The following MRPS31 variants were observed in gnomAD, a reference collection of about 807,000 sequenced individuals.
The protein encoded by MRPS31 is small ribosomal subunit protein mS31.
Under a neutral mutation model 43.1 loss-of-function variants are expected in MRPS31, and 32 were observed. The observed-to-expected ratio is 0.74, with a 90% CI of 0.56 to 1.00. The LOEUF (loss-of-function observed/expected upper bound fraction) is 1.00. Among genes scored for constraint, MRPS31 ranks in the 50% least tolerant of loss-of-function variants. MRPS31 has a pLI of 0.00. For missense variants in MRPS31, 437 were observed against 466.7 expected, an observed-to-expected ratio of 0.94 and a Z score of 0.59; for synonymous variants, 165 against 161.6, an observed-to-expected ratio of 1.02 and a Z score of -0.16.
In MRPS31 at chr13:40,766,826, G is replaced by C; in HGVS notation, c.360C>G (p.Pro120=). 6.2e-7 allele frequency: 1 copy of C among 1,614,046 alleles called. No homozygotes were observed. Among genetic ancestry groups the C allele is most frequent in the Non-Finnish European group, 8.5e-7 (1 of 1,179,978 alleles). ...AACTTTTAAGTGGTCTTCTTTTGGGGGGCTTTGTTGTTCGTACATTTACTG... is the reference window on the plus strand; with the variant it reads ...AACTTTTAAGTGGTCTTCTTTTGGGCGGCTTTGTTGTTCGTACATTTACTG... ...LSTVNVRTTK[P]PKRRPLKSLE... Residue 120 remains proline, a synonymous_variant, in exon 2 of 7, where the codon CCC becomes CCG. Coordinates refer to ENST00000323563, the MANE Select transcript of MRPS31 (RefSeq NM_005830.4).
Position 40,759,011 on chromosome 13 carries a change from C to A in MRPS31, c.536G>T (p.Ser179Ile). The change falls in exon 3 of 7, where the codon AGC (serine) becomes ATC (isoleucine). Residue 179 changes from serine (S) to isoleucine (I), a missense_variant. Physicochemically the swap from Ser to Ile is moderately radical, Grantham distance 142. Transcript: ENST00000323563. Reference protein sequence around the residue: ...DKQTTKSELLSQLQQHEEESR... With the variant: ...DKQTTKSELLIQLQQHEEESR... ...CTCTTCCTCATGCTGCTGGAGCTGG[C>A]TCAGCAGCTCTGACTTGGTTGTTTG... is the stretch of plus-strand genomic sequence containing the variant. 1 of 1,608,248 alleles carries A rather than the reference C, an allele frequency of 6.2e-7. No homozygotes were observed. Among genetic ancestry groups the A allele is most frequent in the Non-Finnish European group, 8.5e-7 (1 of 1,177,834 alleles).
At chr13:40,757,098 TTTAA>T in intron 3 of MRPS31, 85 bp from the exon 4 acceptor site, 6 of 1,047,492 alleles carry the variant, frequency 5.7e-6, no homozygotes, top group Non-Finnish European at 8.1e-6. Context: ...CTTGAGATCA[TTTAA>T]TTCTTATTTC....
chr13:40,746,074 A>G (rs1593446082), intron 6 of MRPS31, among the ~76,000 whole-genome samples: 1 of 152,222 alleles, frequency 6.6e-6, no homozygotes, highest in African/African-American at 2.4e-5. Flanking sequence ...AATTTTTTAT[A>G]TAATGGAAAA....
At chr13:40,770,801 C>T (rs573288657) in intron 1 of MRPS31, 184 bp downstream of exon 1, 1 of 681,518 alleles carries the variant, frequency 1.5e-6, no homozygotes, top group Non-Finnish European at 2.4e-6. Context: ...GCACAGCGAC[C>T]AGGTTTGTAA....
chr13:40,755,912 T>C (rs1880513774), intron 4 of MRPS31, among the ~76,000 whole-genome samples: 1 of 152,244 alleles, frequency 6.6e-6, no homozygotes, highest in South Asian at 2.1e-4. Flanking sequence ...CAGTTAAATA[T>C]TCTTAAGTAA....
Position 40,756,764 on chromosome 13 carries a change from G to T in MRPS31, c.740+109C>A. 5.0e-6 allele frequency: 6 copies of T among 1,211,278 alleles called. No homozygotes were observed. In the Middle Eastern group the frequency reaches 9.6e-4, roughly 193 times the overall value. 75.0% of individuals were successfully genotyped at this position (1,211,278 alleles called of 1,614,324 possible). A position where few individuals can be genotyped will look rare whatever the true frequency, so the allele number is the denominator to read the frequency against. ...ACACAGATGTAAATGTATTCATAAT[G>T]TTCAGATATCCAACAGCAATAATAC... On this transcript the variant is annotated intron_variant, in intron 4 of 6. Transcript: ENST00000323563.
intron 6 of MRPS31, among the ~76,000 whole-genome samples, chr13:40,740,718 T>C (rs1393650593): frequency 2.2e-5 from 3 of 138,002 alleles, no homozygotes; most frequent in Non-Finnish European, 4.6e-5. Context: ...TTCTCACTCA[T>C]AGGTGGGAAT....
At chr13:40,752,750 T>C (rs74982206) in intron 5 of MRPS31, among the ~76,000 whole-genome samples, 27 of 151,128 alleles carry the variant, frequency 1.8e-4, no homozygotes, top group Middle Eastern at 3.4e-3. Flanking sequence ...TTTTTTTTTT[T>C]CCCCTTCGAG....
At chr13:40,769,721 CAG>C (rs1473324070) in intron 1 of MRPS31, among the ~76,000 whole-genome samples, 1 of 152,070 alleles carries the variant, frequency 6.6e-6, no homozygotes, top group Non-Finnish European at 1.5e-5. Context: ...AAGTGGTAAT[CAG>C]GGGAATGAAT....
chr13:40,759,415 G>A (rs890773260), intron 2 of MRPS31, among the ~76,000 whole-genome samples: 1 of 151,928 alleles, frequency 6.6e-6, no homozygotes, highest in African/African-American at 2.4e-5. Context: ...TCTAGCCTGG[G>A]AGACAGAGCG....
At chr13:40,740,536 C>G (rs1028629150) in intron 6 of MRPS31, among the ~76,000 whole-genome samples, 8 of 138,660 alleles carry the variant, frequency 5.8e-5, no homozygotes, top group East Asian at 2.3e-4. Context: ...GGAACCAACC[C>G]AAATGTCCAA....
In MRPS31 at chr13:40,758,824, G is replaced by T. The variant is rs1352147017; in HGVS notation, c.599+124C>A. 13 of 886,230 alleles carry T rather than the reference G, an allele frequency of 1.5e-5. No homozygotes were observed. The Admixed American group carries it at 3.5e-4, about 24-fold the overall frequency. 54.9% of individuals were successfully genotyped at this position (886,230 alleles called of 1,614,324 possible). A position where few individuals can be genotyped will look rare whatever the true frequency, so the allele number is the denominator to read the frequency against. The stretch of plus-strand genomic sequence containing the variant: ...TAAAAAGTTGAATTGCTAAAATTAT[G>T]TGGTATATTTTATATACAAATTCCA... On this transcript the variant is annotated intron_variant, in intron 3 of 6. Transcript: ENST00000323563.
Position 40,766,942 on chromosome 13 carries a change from T to TGGAAGTCTCCTC in MRPS31, c.232_243dup (p.Glu78_Ser81dup). ...CTGTCTTGGCTCTCTGAAGTCTCCTTGGAAGTCTCCTCAGTTCGAACAGAC... is the reference window on the plus strand; with the variant it reads ...CTGTCTTGGCTCTCTGAAGTCTCCTTGGAAGTCTCCTCGGAAGTCTCCTCAGTTCGAACAGAC... On this transcript the variant is annotated inframe_insertion, in exon 2 of 7. Coordinates refer to ENST00000323563, the MANE Select transcript of MRPS31 (RefSeq NM_005830.4). 1 of 1,614,142 alleles carries TGGAAGTCTCCTC rather than the reference T, an allele frequency of 6.2e-7. No individual in the cohort carries two copies. The highest frequency in any genetic ancestry group is 8.5e-7 in the Non-Finnish European group (1 of 1,180,010).
rs372641553 is a variant in MRPS31 at position 40,771,170 on chromosome 13, G to C, written c.-34C>G. 1.4e-5 allele frequency: 22 copies of C among 1,559,428 alleles called. No individual in the cohort carries two copies. In the African/African-American group the frequency reaches 2.9e-4, roughly 20 times the overall value. Reference sequence around the variant, plus strand: ...CACGAAATGAACCAAGAACACAACTGAAATGGTGCGTCCCGCTGCCAAACA... The same window carrying C: ...CACGAAATGAACCAAGAACACAACTCAAATGGTGCGTCCCGCTGCCAAACA... On this transcript the variant is annotated 5_prime_UTR_variant, in exon 1 of 7. Transcript: ENST00000323563.
chr13:40,743,841 A>C (rs1880167484), intron 6 of MRPS31, among the ~76,000 whole-genome samples: 2 of 152,212 alleles, frequency 1.3e-5, no homozygotes, highest in East Asian at 1.9e-4. Context: ...TTAGCAATCC[A>C]ATTACTGGGT....
chr13:40,729,315 A>T lies in MRPS31; in HGVS notation c.*57T>A. The T allele has an allele frequency of 1.1e-6, 1 of 871,262 alleles. No homozygotes were observed. Among genetic ancestry groups the T allele is most frequent in the Non-Finnish European group, 1.8e-6 (1 of 565,394 alleles). 54.0% of individuals were successfully genotyped at this position (871,262 alleles called of 1,614,324 possible). A position where few individuals can be genotyped will look rare whatever the true frequency, so the allele number is the denominator to read the frequency against. On this transcript the variant is annotated 3_prime_UTR_variant, in exon 7 of 7. Transcript: ENST00000323563. Reference sequence around the variant, plus strand: ...AACATATACAAACTCTAGTAAAATTATTTTATTTAGTTGTAATATCCATCT... The same window carrying T: ...AACATATACAAACTCTAGTAAAATTTTTTTATTTAGTTGTAATATCCATCT...
At chr13:40,745,991 C>T (rs1566107038) in intron 6 of MRPS31, among the ~76,000 whole-genome samples, 1 of 152,084 alleles carries the variant, frequency 6.6e-6, no homozygotes, top group Middle Eastern at 3.4e-3. Flanking sequence ...GTCCTTGAAA[C>T]GGAAACAGAA....
chr13:40,747,087 CTTTT>C (rs904212041), intron 6 of MRPS31, among the ~76,000 whole-genome samples: 1 of 150,016 alleles, frequency 6.7e-6, no homozygotes, highest in Admixed American at 6.7e-5. Context: ...TTCTTTCTTT[CTTTT>C]TTTTTGAGGC....
At chr13:40,737,739 C>T (rs1198178526) in intron 6 of MRPS31, among the ~76,000 whole-genome samples, 18 of 152,076 alleles carry the variant, frequency 1.2e-4, no homozygotes, top group South Asian at 4.2e-4. Context: ...TTGAAACCAA[C>T]GAGAACAAAG....
Sources: gnomAD v4.1 joint callset for allele counts (sites outside exome capture counted in the v4.1 genomes callset) on GRCh38, gnomAD v4.1.1 for gene constraint, MANE v1.5 for transcripts, NCBI Gene and HGNC (gene_info 2026-07-23, HGNC 2026-07-21) for gene names.